CSMD3: variants seen among roughly 807,000 people sequenced by gnomAD.
The protein encoded by CSMD3 is CUB and sushi domain-containing protein 3.
CSMD3 carries 177 observed loss-of-function variants against 435.2 expected under a neutral mutation model. The observed-to-expected ratio is 0.41, with a 90% CI of 0.36 to 0.46. CSMD3 has a LOEUF of 0.46. Among genes scored for constraint, CSMD3 ranks in the 20% least tolerant of loss-of-function variants. The probability of loss-of-function intolerance (pLI) is 0.34; values close to 1 mark genes in which losing one functional copy is unlikely to be tolerated. For synonymous variants in CSMD3, 1,656 were observed against 1,520.5 expected (o/e 1.09, Z -2.07); for missense variants, 4,265 against 4,504.6 (o/e 0.95, Z 1.52).
At chr8:113,244,474 C>G (rs997780412) in intron 3 of CSMD3, among the ~76,000 whole-genome samples, 19 of 152,070 alleles carry the variant, frequency 1.2e-4, no homozygotes, top group African/African-American at 4.6e-4. Context: ...TGTCACCACG[C>G]CTGACTAATT....
intron 23 of CSMD3, among the ~76,000 whole-genome samples, chr8:112,585,472 C>T (rs1037628821): frequency 6.6e-6 from 1 of 150,714 alleles, no homozygotes; most frequent in Non-Finnish European, 1.5e-5. Flanking sequence ...TCACTTATGA[C>T]TGAAGCTCCA....
rs1001081291 is a variant in CSMD3, at chr8:112,430,999, T to C, written c.5396-21967A>G. 1.2e-4 allele frequency among the ~76,000 whole-genome samples: 18 copies of C among 152,180 alleles called. No individual in the cohort carries two copies. The East Asian group carries it at 3.3e-3, about 28-fold the overall frequency. On this transcript the variant is annotated intron_variant, in intron 32 of 70. Transcript: ENST00000297405. ...TATTTCTGTGATTTAATGCTCTGAC[T>C]AGTTGTGCAAGCTCTGCCAGCCCCA...
At chr8:112,987,728 T>G (rs1381585947) in intron 6 of CSMD3, among the ~76,000 whole-genome samples, 1 of 152,120 alleles carries the variant, frequency 6.6e-6, no homozygotes, top group Non-Finnish European at 1.5e-5. Context: ...TTTACTTATG[T>G]TTTATTTTCA....
chr8:112,975,792 C>T (rs1478105942), intron 7 of CSMD3, 45 bp downstream of exon 7: 1 of 1,611,176 alleles, frequency 6.2e-7, no homozygotes, highest in African/African-American at 1.3e-5. Context: ...CAAAATATAG[C>T]TTTGGCTGTA....
At chr8:112,433,654 C>CAAAAAAAAAAAAA (rs35572894) in intron 32 of CSMD3, among the ~76,000 whole-genome samples, 24 of 93,186 alleles carry the variant, frequency 2.6e-4, no homozygotes, top group Middle Eastern at 6.8e-3. Context: ...GAGAACCTGT[C>CAAAAAAAAAAAAA]AAAAAAAAAA....
chr8:112,744,791 G>A (rs1244152336), intron 13 of CSMD3, among the ~76,000 whole-genome samples: 2 of 152,080 alleles, frequency 1.3e-5, no homozygotes, highest in Non-Finnish European at 2.9e-5. Context: ...AGTGCAAATA[G>A]CATTACAAAC....
At chr8:112,495,235 G>A (rs1821220011) in intron 30 of CSMD3, among the ~76,000 whole-genome samples, 1 of 152,116 alleles carries the variant, frequency 6.6e-6, no homozygotes, top group South Asian at 2.1e-4. Flanking sequence ...TTTATAGCTG[G>A]GCTTCGTAAA....
intron 20 of CSMD3, among the ~76,000 whole-genome samples, chr8:112,644,650 G>A (rs2074928813): frequency 6.6e-6 from 1 of 151,946 alleles, no homozygotes; most frequent in Admixed American, 6.6e-5. Flanking sequence ...TTTATAGAAT[G>A]GCTATAAATT....
chr8:112,241,825 A>C, intron 65 of CSMD3, 40 bp from the exon 66 acceptor site: 2 of 1,199,016 alleles, frequency 1.7e-6, no homozygotes, highest in Non-Finnish European at 2.5e-6. Flanking sequence ...AGTTGATGCA[A>C]TTAATTACAT....
intron 13 of CSMD3, among the ~76,000 whole-genome samples, chr8:112,791,468 G>C (rs2078690865): frequency 6.6e-6 from 1 of 151,828 alleles, no homozygotes; most frequent in African/African-American, 2.4e-5. Flanking sequence ...GCATTTTCTA[G>C]AATTTTAAAT....
chr8:112,435,113 G>C (rs1254575507), intron 32 of CSMD3, among the ~76,000 whole-genome samples: 2 of 152,040 alleles, frequency 1.3e-5, no homozygotes, highest in Non-Finnish European at 2.9e-5. Context: ...CACAGACACT[G>C]TTACCTTTGG....
chr8:112,576,251 TA>T (rs895007686), intron 23 of CSMD3, among the ~76,000 whole-genome samples: 22 of 152,132 alleles, frequency 1.4e-4, no homozygotes, highest in African/African-American at 5.1e-4. Context: ...TCCTAATTTT[TA>T]AAAAATCTTC....
intron 63 of CSMD3, among the ~76,000 whole-genome samples, chr8:112,253,053 T>A (rs1047976367): frequency 1.3e-5 from 2 of 151,896 alleles, no homozygotes; most frequent in African/African-American, 4.8e-5. Context: ...AAATAATATT[T>A]ACTAAAAAAA....
chr8:112,425,943 C>G lies in CSMD3; in HGVS notation c.5396-16911G>C, dbSNP rs117547522. Among the ~76,000 whole-genome samples the G allele has an allele frequency of 2.0e-3, 306 of 152,142 alleles. 2 individuals are homozygous for G. The highest frequency in any genetic ancestry group is 3.7e-3 in the Non-Finnish European group (252 of 67,998). On this transcript the variant is annotated intron_variant, in intron 32 of 70. Transcript: ENST00000297405. ...AGAAACACACACTGAAGTTTGGACT[C>G]TATTTTAGTCTTCTAAATTTTAAGC... is the stretch of plus-strand genomic sequence containing the variant.
At chr8:112,411,339 T>A (rs189955851) in intron 32 of CSMD3, among the ~76,000 whole-genome samples, 1 of 151,924 alleles carries the variant, frequency 6.6e-6, no homozygotes, top group East Asian at 1.9e-4. Flanking sequence ...TTGTAGTTAT[T>A]AACTCGGTTG....
At chr8:112,531,729 A>C (rs1825558239) in intron 27 of CSMD3, among the ~76,000 whole-genome samples, 1 of 152,178 alleles carries the variant, frequency 6.6e-6, no homozygotes, top group Non-Finnish European at 1.5e-5. Context: ...GAATTTTTGA[A>C]ATGTTCTCTG....
intron 13 of CSMD3, among the ~76,000 whole-genome samples, chr8:112,790,561 G>T (rs999247213): frequency 1.3e-5 from 2 of 151,976 alleles, no homozygotes; most frequent in Non-Finnish European, 2.9e-5. Context: ...ATGGAAAAAT[G>T]AATGCAATTT....
intron 6 of CSMD3, among the ~76,000 whole-genome samples, chr8:112,997,950 T>C (rs1444767341): frequency 1.3e-5 from 2 of 151,030 alleles, no homozygotes; most frequent in African/African-American, 4.8e-5. Context: ...AAATTTTGCC[T>C]CTATATGTCT....
chr8:112,851,470 T>C (rs1469914350), intron 11 of CSMD3, among the ~76,000 whole-genome samples: 1 of 151,988 alleles, frequency 6.6e-6, no homozygotes, highest in Non-Finnish European at 1.5e-5. Context: ...GGAATTGTGA[T>C]ATAAAGGACC....
Sources: gnomAD v4.1 joint callset for allele counts (sites outside exome capture counted in the v4.1 genomes callset) on GRCh38, gnomAD v4.1.1 for gene constraint, MANE v1.5 for transcripts, NCBI Gene and HGNC (gene_info 2026-07-23, HGNC 2026-07-21) for gene names.